FBXL17: variants seen among roughly 807,000 people sequenced by gnomAD.
FBXL17 encodes the protein F-box and leucine rich repeat protein 17, also known as F-box/LRR-repeat protein 17.
FBXL17 carries 22 observed loss-of-function variants against 66.2 expected under a neutral mutation model. That is an observed-to-expected ratio of 0.33 (90% CI 0.24 to 0.47). The LOEUF is 0.47. FBXL17 is among the 20% of genes least tolerant of loss of function. The pLI is 1.00. For synonymous variants in FBXL17, 474 were observed against 400.5 expected, an observed-to-expected ratio of 1.18 and a Z score of -2.19; for missense variants, 878 against 948.2, an observed-to-expected ratio of 0.93 and a Z score of 0.97.
At chr5:108,253,069 A>G (rs1216902501) in intron 4 of FBXL17, among the ~76,000 whole-genome samples, 1 of 152,200 alleles carries the variant, frequency 6.6e-6, no homozygotes, top group Non-Finnish European at 1.5e-5. Flanking sequence ...AAAGCAGATT[A>G]CCATATCAAT....
intron 5 of FBXL17, among the ~76,000 whole-genome samples, chr5:108,205,279 C>T (rs188528798): frequency 1.3e-5 from 2 of 152,082 alleles, no homozygotes; most frequent in East Asian, 3.9e-4. Flanking sequence ...TGTTTTTAGT[C>T]CCTTTGTAAT....
At chr5:107,990,197 G>A (rs73204790) in intron 7 of FBXL17, among the ~76,000 whole-genome samples, 20,644 of 152,122 alleles carry the variant, frequency 0.14, 1,515 homozygotes, top group East Asian at 0.2. Context: ...CTTTCAGCTG[G>A]GGCATACAGA....
intron 7 of FBXL17, among the ~76,000 whole-genome samples, chr5:107,931,548 G>A (rs1486861777): frequency 2.2e-5 from 3 of 133,898 alleles, no homozygotes; most frequent in African/African-American, 7.6e-5. Flanking sequence ...ACAGGCATGA[G>A]GCTGAGAATT....
At chr5:108,253,893 T>C (rs1302431457) in intron 4 of FBXL17, among the ~76,000 whole-genome samples, 1 of 151,954 alleles carries the variant, frequency 6.6e-6, no homozygotes, top group Non-Finnish European at 1.5e-5. Flanking sequence ...TTTGAGAGAC[T>C]GGGCTGAGAG....
At chr5:108,173,263 G>A (rs754681355) in intron 6 of FBXL17, among the ~76,000 whole-genome samples, 1 of 152,144 alleles carries the variant, frequency 6.6e-6, no homozygotes, top group Non-Finnish European at 1.5e-5. Context: ...TCCCGGGATG[G>A]GGGAGGGATA....
chr5:108,020,329 C>A (rs887364131), intron 7 of FBXL17, among the ~76,000 whole-genome samples: 4 of 151,892 alleles, frequency 2.6e-5, no homozygotes, highest in African/African-American at 9.7e-5. Flanking sequence ...TTCTTTATTA[C>A]TGCGACAATA....
intron 6 of FBXL17, among the ~76,000 whole-genome samples, chr5:108,112,895 G>C (rs1486835369): frequency 2.3e-5 from 3 of 130,108 alleles, no homozygotes; most frequent in Middle Eastern, 4.2e-3. Context: ...CTGTAAAATA[G>C]GGGTAAAGTG....
chr5:107,915,265 A>G (rs542992387), intron 7 of FBXL17, among the ~76,000 whole-genome samples: 47 of 152,258 alleles, frequency 3.1e-4, no homozygotes, highest in East Asian at 5.8e-4. Flanking sequence ...ATTTTTGCCA[A>G]TTTTTTAAAT....
In FBXL17 at chr5:108,126,651, C is replaced by CTCTA. The variant is rs1554067324; in HGVS notation, c.1745+59465_1745+59466insTAGA. Among the ~76,000 whole-genome samples, 458 of 108,044 alleles carry CTCTA rather than the reference C, an allele frequency of 4.2e-3. 3 individuals carry two copies. The highest frequency in any genetic ancestry group is 0.012 in the African/African-American group (401 of 32,760). 70.9% of individuals were successfully genotyped at this position (108,044 alleles called of 152,430 possible). ...TCTCTGTCTCTCTCTCTCTCTCTCTCTATATATATATACATATATATATAT... is the reference window on the plus strand; with the variant it reads ...TCTCTGTCTCTCTCTCTCTCTCTCTCTCTATATATATATATACATATATATATAT... On this transcript the variant is annotated intron_variant, in intron 6 of 8. Coordinates refer to ENST00000542267, the MANE Select transcript of FBXL17 (RefSeq NM_001163315.3).
intron 6 of FBXL17, among the ~76,000 whole-genome samples, chr5:108,092,359 T>C (rs932329517): frequency 1.3e-5 from 2 of 152,086 alleles, no homozygotes; most frequent in Non-Finnish European, 2.9e-5. Flanking sequence ...CAGGTTGGAG[T>C]GCAGTGGTGT....
At chr5:108,262,003 G>A (rs1187842039) in intron 4 of FBXL17, among the ~76,000 whole-genome samples, 1 of 151,470 alleles carries the variant, frequency 6.6e-6, no homozygotes, top group African/African-American at 2.4e-5. Flanking sequence ...GGGGGGATGG[G>A]ACAAAGCAGC....
chr5:107,949,588 A>T (rs2112605018), intron 7 of FBXL17, among the ~76,000 whole-genome samples: 1 of 152,322 alleles, frequency 6.6e-6, no homozygotes, highest in Middle Eastern at 3.4e-3. Flanking sequence ...TACTTGGGAG[A>T]GGAGCAAATG....
Position 108,232,370 on chromosome 5 carries a change from G to A in FBXL17, c.1507-8142C>T, listed in dbSNP as rs149164126. Among the ~76,000 whole-genome samples, 780 of 152,178 alleles carry A rather than the reference G, an allele frequency of 5.1e-3. 8 individuals are homozygous for A. The highest frequency in any genetic ancestry group is 0.018 in the African/African-American group (737 of 41,496). On this transcript the variant is annotated intron_variant, in intron 4 of 8. Transcript: ENST00000542267. The stretch of plus-strand genomic sequence containing the variant: ...TTGAATATTATGTATGATCTCAGGA[G>A]ATGTGTATGGGTTCAAGTTGGCAAG...
chr5:107,937,456 T>C (rs1750948279), intron 7 of FBXL17, among the ~76,000 whole-genome samples: 1 of 152,142 alleles, frequency 6.6e-6, no homozygotes, highest in South Asian at 2.1e-4. Flanking sequence ...TTGTAGGTTG[T>C]CATGGGAGCT....
chr5:108,147,735 C>T (rs975288054), intron 6 of FBXL17, among the ~76,000 whole-genome samples: 7 of 152,022 alleles, frequency 4.6e-5, no homozygotes, highest in Non-Finnish European at 1.0e-4. Flanking sequence ...AAAAATTAAA[C>T]ATCTCAATGT....
At chr5:108,185,050 T>C (rs1290111407) in intron 6 of FBXL17, among the ~76,000 whole-genome samples, 5 of 152,174 alleles carry the variant, frequency 3.3e-5, no homozygotes, top group African/African-American at 1.2e-4. Flanking sequence ...TTTTCCTGTA[T>C]TTTTTTCTTC....
intron 4 of FBXL17, among the ~76,000 whole-genome samples, chr5:108,308,586 C>T (rs1456141926): frequency 6.6e-6 from 1 of 152,042 alleles, no homozygotes; most frequent in Non-Finnish European, 1.5e-5. Flanking sequence ...AAACCTCCGT[C>T]ATAGATTTTG....
chr5:107,913,684 A>G (rs767395003), intron 7 of FBXL17, among the ~76,000 whole-genome samples: 9 of 152,156 alleles, frequency 5.9e-5, no homozygotes, highest in Non-Finnish European at 1.3e-4. Context: ...TCTAACGCTT[A>G]GACTCCTCCT....
chr5:107,931,263 T>TA lies in FBXL17; in HGVS notation c.1823-50085_1823-50084insT, dbSNP rs1423662187. Among the ~76,000 whole-genome samples the TA allele has an allele frequency of 2.0e-3, 307 of 151,532 alleles. 1 individual carries two copies. The highest frequency in any genetic ancestry group is 6.1e-3 in the South Asian group (29 of 4,782). ...GCTGTTCATGTTAAAGAGAATTTTT[T>TA]TTTTTTTTTTTTTGAGACAGGGTCT... is the stretch of plus-strand genomic sequence containing the variant. On this transcript the variant is annotated intron_variant, in intron 7 of 8. Coordinates refer to ENST00000542267, the MANE Select transcript of FBXL17 (RefSeq NM_001163315.3).
Sources: allele counts gnomAD v4.1 joint callset (sites outside exome capture counted in the v4.1 genomes callset), GRCh38; gene constraint gnomAD v4.1.1; transcripts MANE v1.5; gene names NCBI Gene and HGNC (gene_info 2026-07-23, HGNC 2026-07-21).